Variants in MIPOL1 observed in about 807,000 individuals in gnomAD.
MIPOL1 encodes mirror-image polydactyly gene 1 protein.
MIPOL1 carries 57 observed loss-of-function variants against 60.9 expected under a neutral mutation model. The ratio of observed to expected loss-of-function variants is 0.94; its 90% CI spans 0.76 to 1.17. The LOEUF is 1.17. MIPOL1 is among the 50% of genes most tolerant of loss of function. The probability of loss-of-function intolerance (pLI) is 0.00; values close to 1 mark genes in which losing one functional copy is unlikely to be tolerated. For missense variants in MIPOL1, 551 were observed against 511.6 expected, an observed-to-expected ratio of 1.08 and a Z score of -0.74; for synonymous variants, 179 against 168.8, an observed-to-expected ratio of 1.06 and a Z score of -0.47.
Position 37,520,691 on chromosome 14 carries a change from A to T in MIPOL1, c.1262+20553A>T, listed in dbSNP as rs527630743. Among the ~76,000 whole-genome samples the T allele has an allele frequency of 5.8e-4, 88 of 152,252 alleles. 1 individual carries two copies. Among genetic ancestry groups the T allele is most frequent in the African/African-American group, 2.1e-3 (88 of 41,542 alleles). ...GTATAAGATAAAGAAGTTAATTTAC[A>T]TTGATTGTTTTATAACTTTTATTTA... On this transcript the variant is annotated intron_variant, in intron 12 of 12. Transcript: ENST00000684589.
chr14:37,517,618 C>T (rs563752139), intron 12 of MIPOL1, among the ~76,000 whole-genome samples: 2 of 152,036 alleles, frequency 1.3e-5, no homozygotes, highest in Non-Finnish European at 2.9e-5. Flanking sequence ...TTTTTAATAG[C>T]AAATAAAAAT....
chr14:37,540,012 C>T (rs2095523468), intron 12 of MIPOL1, among the ~76,000 whole-genome samples: 1 of 152,168 alleles, frequency 6.6e-6, no homozygotes. Context: ...CTCCTTGCTG[C>T]TGTCATGTGA....
chr14:37,509,651 ATTG>A, intron 12 of MIPOL1, among the ~76,000 whole-genome samples: 2 of 151,288 alleles, frequency 1.3e-5, no homozygotes, highest in Non-Finnish European at 2.9e-5. Flanking sequence ...ATACACATAT[ATTG>A]TTTATATATG....
intron 7 of MIPOL1, among the ~76,000 whole-genome samples, chr14:37,303,909 A>G (rs1478475372): frequency 6.6e-6 from 1 of 151,908 alleles, no homozygotes; most frequent in African/African-American, 2.4e-5. Flanking sequence ...GAGTTCAGGT[A>G]GGGGGAAGAG....
intron 9 of MIPOL1, among the ~76,000 whole-genome samples, chr14:37,313,339 A>AAT (rs1422554535): frequency 1.3e-5 from 2 of 152,068 alleles, no homozygotes; most frequent in Admixed American, 1.3e-4. Flanking sequence ...TTATTCCTAG[A>AAT]TATTCTGGCA....
At chr14:37,392,022 C>T (rs1410231694) in intron 10 of MIPOL1, among the ~76,000 whole-genome samples, 1 of 151,730 alleles carries the variant, frequency 6.6e-6, no homozygotes, top group African/African-American at 2.4e-5. Flanking sequence ...TTTATTAAAC[C>T]AAGTGGACTA....
At chr14:37,328,066 G>A (rs533102100) in intron 9 of MIPOL1, among the ~76,000 whole-genome samples, 15 of 152,024 alleles carry the variant, frequency 9.9e-5, no homozygotes, top group African/African-American at 3.4e-4. Flanking sequence ...AGGCTGGAGT[G>A]CAATGATGCA....
At chr14:37,426,594 TAC>T (rs1555339854) in intron 11 of MIPOL1, among the ~76,000 whole-genome samples, 9 of 125,400 alleles carry the variant, frequency 7.2e-5, no homozygotes, top group African/African-American at 1.8e-4. Context: ...TATATATATA[TAC>T]ACACACACAT....
At chr14:37,384,684 T>C (rs1310932046) in intron 10 of MIPOL1, among the ~76,000 whole-genome samples, 1 of 151,988 alleles carries the variant, frequency 6.6e-6, no homozygotes, top group Non-Finnish European at 1.5e-5. Flanking sequence ...GGCCATTCCC[T>C]TAACAGTACC....
intron 1 of MIPOL1, among the ~76,000 whole-genome samples, chr14:37,209,333 CT>C (rs1204160340): frequency 6.6e-6 from 1 of 152,004 alleles, no homozygotes; most frequent in Non-Finnish European, 1.5e-5. Context: ...TTATTATTGC[CT>C]TTTTTCTTAA....
At chr14:37,465,295 C>T (rs1056878505) in intron 11 of MIPOL1, among the ~76,000 whole-genome samples, 19 of 152,120 alleles carry the variant, frequency 1.2e-4, no homozygotes, top group Non-Finnish European at 2.8e-4. Flanking sequence ...AATCTTTAGA[C>T]AGGATTTTAG....
At chr14:37,227,974 C>T (rs1331558061) in intron 1 of MIPOL1, 1 of 152,152 alleles carries the variant, frequency 6.6e-6, no homozygotes, top group Non-Finnish European at 1.5e-5. Context: ...TATAATCCAA[C>T]TAGGATGGGG....
intron 12 of MIPOL1, among the ~76,000 whole-genome samples, chr14:37,509,299 T>A (rs998621113): frequency 6.6e-6 from 1 of 151,884 alleles, no homozygotes; most frequent in South Asian, 2.1e-4. Context: ...TCTGAGAGTT[T>A]TATATATATA....
rs147142935 is a variant in MIPOL1, at chr14:37,237,284, A to G, written c.-198-9819A>G. ...CACAGACATGCACAACAATTTGTCT[A>G]TCAGATCTACTCTGCTCCCTCTAGT... On this transcript the variant is annotated intron_variant, in intron 1 of 12. Coordinates refer to ENST00000684589, the MANE Select transcript of MIPOL1 (RefSeq NM_001388067.1). Among the ~76,000 whole-genome samples the G allele has an allele frequency of 3.0e-3, 452 of 152,180 alleles. 3 individuals are homozygous for G. The highest frequency in any genetic ancestry group is 0.01 in the African/African-American group (427 of 41,520).
intron 11 of MIPOL1, among the ~76,000 whole-genome samples, chr14:37,451,920 T>C (rs1422142153): frequency 6.8e-6 from 1 of 147,658 alleles, no homozygotes; most frequent in East Asian, 2.0e-4. Context: ...GTTCACGCCA[T>C]TCTCCTGCCT....
At chr14:37,546,630 T>A (rs1437103975) in intron 12 of MIPOL1, among the ~76,000 whole-genome samples, 1 of 152,218 alleles carries the variant, frequency 6.6e-6, no homozygotes, top group East Asian at 1.9e-4. Flanking sequence ...TGCAAGTAGC[T>A]AAATGTATTG....
intron 7 of MIPOL1, among the ~76,000 whole-genome samples, chr14:37,297,487 T>C (rs928185189): frequency 1.3e-5 from 2 of 152,136 alleles, no homozygotes; most frequent in South Asian, 2.1e-4. Context: ...ATAAAGGGCA[T>C]TGAATTAGGA....
At chr14:37,299,406 T>A (rs60734532) in intron 7 of MIPOL1, among the ~76,000 whole-genome samples, 11,133 of 151,934 alleles carry the variant, frequency 0.073, 1,379 homozygotes, top group African/African-American at 0.25. Context: ...AACCTGCACG[T>A]TGTGCACATG....
chr14:37,459,736 A>G (rs775436255), intron 11 of MIPOL1, among the ~76,000 whole-genome samples: 59 of 152,310 alleles, frequency 3.9e-4, no homozygotes, highest in Admixed American at 6.5e-4. Flanking sequence ...ACTACAGGCC[A>G]ACATCCCTAA....
Sources: allele counts gnomAD v4.1 joint callset (sites outside exome capture counted in the v4.1 genomes callset), GRCh38; gene constraint gnomAD v4.1.1; transcripts MANE v1.5; gene names NCBI Gene and HGNC (gene_info 2026-07-23, HGNC 2026-07-21).